Variants in NCOA2 observed in about 807,000 individuals in gnomAD.
NCOA2 encodes class E basic helix-loop-helix protein 75.
In NCOA2, 21 loss-of-function variants were observed where a neutral mutation model predicts 145.1. The ratio of observed to expected loss-of-function variants is 0.14; its 90% CI spans 0.10 to 0.21. The LOEUF (loss-of-function observed/expected upper bound fraction) is 0.21, where lower values mean the gene tolerates loss of function less well. NCOA2 is among the 10% of genes least tolerant of loss of function. The pLI is 1.00. For missense variants in NCOA2, 1,472 were observed against 1,837.6 expected (o/e 0.80, Z 3.64); for synonymous variants, 619 against 637.5 (o/e 0.97, Z 0.44).
intron 11 of NCOA2, among the ~76,000 whole-genome samples, chr8:70,152,713 A>G (rs187812609): frequency 2.0e-5 from 3 of 152,344 alleles, no homozygotes; most frequent in Non-Finnish European, 4.4e-5. Flanking sequence ...TGCTGTAGAA[A>G]CAAATGTTTA....
intron 4 of NCOA2, among the ~76,000 whole-genome samples, chr8:70,178,166 A>G (rs1585974566): frequency 6.6e-6 from 1 of 152,212 alleles, no homozygotes; most frequent in Non-Finnish European, 1.5e-5. Flanking sequence ...AATTCTAGCA[A>G]TGTGCTCAGG....
At chr8:70,224,308 T>C (rs1820413845) in intron 2 of NCOA2, among the ~76,000 whole-genome samples, 1 of 152,236 alleles carries the variant, frequency 6.6e-6, no homozygotes, top group Non-Finnish European at 1.5e-5. Context: ...AGTAAAAGCC[T>C]TTTCTTCTGT....
chr8:70,177,842 T>G (rs971678374), intron 4 of NCOA2, among the ~76,000 whole-genome samples: 3 of 152,164 alleles, frequency 2.0e-5, no homozygotes, highest in African/African-American at 7.2e-5. Flanking sequence ...CTAGAAAACA[T>G]CAGCCTATTT....
chr8:70,156,186 C>T lies in NCOA2; in HGVS notation c.2179G>A (p.Glu727Lys). The change falls in exon 11 of 23, where the codon GAA becomes AAA. Residue 727 changes from glutamate to lysine, a missense_variant. Glu to Lys is a moderately conservative substitution (Grantham distance 56). Around this residue, in one of 4 missense-constraint regions of NCOA2, gnomAD observed 953 missense variants for 1,062.1 expected, o/e 0.90. Coordinates refer to ENST00000452400, the MANE Select transcript of NCOA2 (RefSeq NM_006540.4). ...ACCGGCTCTTGTTTAATAGTCACTT[C>T]TGATCCAGGAGCTGTGCTGCTGGAC... is the stretch of plus-strand genomic sequence containing the variant. ...QESSSTAPGS[E>K]VTIKQEPVSP... 1 of 1,613,990 alleles carries T rather than the reference C, an allele frequency of 6.2e-7. No homozygotes were observed. The highest frequency in any genetic ancestry group is 8.5e-7 in the Non-Finnish European group (1 of 1,179,896).
At chr8:70,178,618 C>A (rs1815130168) in intron 4 of NCOA2, among the ~76,000 whole-genome samples, 2 of 152,136 alleles carry the variant, frequency 1.3e-5, no homozygotes, top group South Asian at 4.1e-4. Context: ...CTGCCGAGGG[C>A]TCACCCTCTG....
intron 2 of NCOA2, among the ~76,000 whole-genome samples, chr8:70,231,100 G>T (rs1277363240): frequency 6.6e-6 from 1 of 152,026 alleles, no homozygotes; most frequent in Non-Finnish European, 1.5e-5. Flanking sequence ...TAGATCAAAG[G>T]GTCTGACCAT....
chr8:70,229,148 A>C (rs1820917631), intron 2 of NCOA2, among the ~76,000 whole-genome samples: 1 of 152,214 alleles, frequency 6.6e-6, no homozygotes, highest in African/African-American at 2.4e-5. Context: ...TTTTAACTTA[A>C]AAATCTATTT....
At chr8:70,445,192 G>A in the NCOA2 span, among the ~76,000 whole-genome samples, 1 of 152,064 alleles carries the variant, frequency 6.6e-6, no homozygotes, top group Non-Finnish European at 1.5e-5. Context: ...CATCATGCAA[G>A]GGGGGAAAAA....
the NCOA2 span, among the ~76,000 whole-genome samples, chr8:70,429,978 G>C: frequency 6.6e-6 from 1 of 152,020 alleles, no homozygotes; most frequent in African/African-American, 2.4e-5. Flanking sequence ...TCAGCCTTCC[G>C]AGCAGCAGGG....
chr8:70,141,550 T>C (rs536802815), intron 13 of NCOA2, among the ~76,000 whole-genome samples, 151 bp from the exon 14 acceptor site: 5 of 152,350 alleles, frequency 3.3e-5, no homozygotes, highest in African/African-American at 1.2e-4. Flanking sequence ...ATGTGGGACC[T>C]TGGCTAAGAA....
At chr8:70,279,129 T>G (rs922928587) in intron 2 of NCOA2, among the ~76,000 whole-genome samples, 1 of 152,206 alleles carries the variant, frequency 6.6e-6, no homozygotes, top group Non-Finnish European at 1.5e-5. Flanking sequence ...CTATTTCTGC[T>G]GCACCTATGA....
At chr8:70,230,493 TC>T (rs2134208276) in intron 2 of NCOA2, among the ~76,000 whole-genome samples, 1 of 152,294 alleles carries the variant, frequency 6.6e-6, no homozygotes, top group Admixed American at 6.5e-5. Context: ...AAGAAAGCTA[TC>T]ATATGAAACA....
chr8:70,441,102 AAGAG>A, the NCOA2 span, among the ~76,000 whole-genome samples: 1 of 127,320 alleles, frequency 7.9e-6, no homozygotes, highest in South Asian at 2.6e-4. Context: ...GAAAAGAAAG[AAGAG>A]AGAGAAAGAA....
At chr8:70,318,151 C>CA (rs1805761261) in intron 1 of NCOA2, among the ~76,000 whole-genome samples, 1 of 152,168 alleles carries the variant, frequency 6.6e-6, no homozygotes, top group South Asian at 2.1e-4. Context: ...CAGAGCTTTC[C>CA]ATGCTGAGTG....
Position 70,123,922 on chromosome 8 carries a change from C to A in NCOA2, c.4255G>T (p.Val1419Leu), listed in dbSNP as rs760325706. The A allele has an allele frequency of 1.9e-6, 3 of 1,613,808 alleles. No homozygotes were observed. Among genetic ancestry groups the A allele is most frequent in the Non-Finnish European group, 2.5e-6 (3 of 1,179,796 alleles). The part of the protein sequence containing the change: ...GQISMTSVTS[V>L]PTSGLSSMGP... The stretch of plus-strand genomic sequence containing the variant: ...ATGGAGGACAGCCCTGACGTAGGCA[C>A]GGAGGTCACTGAGGTCATGCTGATC... The change falls in exon 21 of 23, where the codon GTG becomes TTG. Residue 1419 changes from valine to leucine, a missense_variant. Physicochemically the swap from Val to Leu is conservative, Grantham distance 32 (BLOSUM62 1). Transcript: ENST00000452400.
chr8:70,453,711 C>T, the NCOA2 span, among the ~76,000 whole-genome samples: 765 of 152,300 alleles, frequency 5.0e-3, 30 homozygotes, highest in Admixed American at 0.045. Flanking sequence ...CTTCCTTTTC[C>T]TTTCTCCATC....
intron 2 of NCOA2, among the ~76,000 whole-genome samples, chr8:70,226,678 AT>A (rs386419934): frequency 2.6e-3 from 391 of 149,532 alleles, no homozygotes; most frequent in African/African-American, 8.7e-3. Context: ...ATATATATAT[AT>A]AAAACTATAC....
At chr8:70,216,610 A>T in intron 3 of NCOA2, 50 bp downstream of exon 3, 1 of 1,415,124 alleles carries the variant, frequency 7.1e-7, no homozygotes. Context: ...AGAAGCACTC[A>T]TGTGGCTTTA....
chr8:70,446,417 T>G, the NCOA2 span, among the ~76,000 whole-genome samples: 4 of 152,314 alleles, frequency 2.6e-5, no homozygotes, highest in Admixed American at 2.0e-4. Context: ...GGTGTAGACA[T>G]TCACAAAAAC....
Sources: gnomAD v4.1 joint callset for allele counts (sites outside exome capture counted in the v4.1 genomes callset) on GRCh38, gnomAD v4.1.1 for gene constraint, gnomAD v4.1.1 regional missense constraint, MANE v1.5 for transcripts, NCBI Gene and HGNC (gene_info 2026-07-23, HGNC 2026-07-21) for gene names.